RYR2: variants seen among roughly 807,000 people sequenced by gnomAD.
RYR2 encodes ryanodine receptor 2.
Under a neutral mutation model 601.1 loss-of-function variants are expected in RYR2, and 227 were observed. That is an observed-to-expected ratio of 0.38 (90% confidence interval 0.34 to 0.42). The LOEUF (loss-of-function observed/expected upper bound fraction) is 0.42, where lower values mean the gene tolerates loss of function less well. RYR2 is among the 10% of genes least tolerant of loss of function. RYR2 has a pLI of 1.00. For synonymous variants in RYR2, 2,223 were observed against 2,175.1 expected, an observed-to-expected ratio of 1.02 and a Z score of -0.61; for missense variants, 4,646 against 6,156.5, an observed-to-expected ratio of 0.75 and a Z score of 8.21.
intron 1 of RYR2, among the ~76,000 whole-genome samples, chr1:237,198,862 G>A (rs992837056): frequency 6.6e-6 from 1 of 150,506 alleles, no homozygotes; most frequent in Non-Finnish European, 1.5e-5. Flanking sequence ...TTTATTTTCT[G>A]GAGAAGTAAT....
At chr1:237,374,894 TA>T (rs1202613322) in intron 7 of RYR2, 99 bp downstream of exon 7, 15 of 877,992 alleles carry the variant, frequency 1.7e-5, no homozygotes, top group Non-Finnish European at 2.3e-5. Flanking sequence ...TGAATGTTCT[TA>T]TGGATGGAGT....
At chr1:237,795,180 A>G in intron 95 of RYR2, 109 bp from the exon 96 acceptor site, 1 of 527,998 alleles carries the variant, frequency 1.9e-6, no homozygotes, top group Non-Finnish European at 3.4e-6. Context: ...TTTACGTGGC[A>G]GGATATATGT....
At chr1:237,591,322 A>G (rs956988827) in intron 31 of RYR2, among the ~76,000 whole-genome samples, 23 of 151,846 alleles carry the variant, frequency 1.5e-4, no homozygotes, top group Non-Finnish European at 3.2e-4. Flanking sequence ...CTATCTCAAG[A>G]GTTACTTTTT....
At chr1:237,328,843 G>A (rs947713610) in intron 2 of RYR2, among the ~76,000 whole-genome samples, 37 of 152,132 alleles carry the variant, frequency 2.4e-4, no homozygotes, top group African/African-American at 8.7e-4. Context: ...AAATTGTAAT[G>A]TGGATGCATT....
chr1:237,219,010 A>ATTTTT (rs754644450), intron 1 of RYR2, among the ~76,000 whole-genome samples: 2 of 121,728 alleles, frequency 1.6e-5, no homozygotes, highest in Non-Finnish European at 1.7e-5. Flanking sequence ...CTTATACTTG[A>ATTTTT]TTTTTTTTTT....
rs531707768 is a variant in RYR2, at chr1:237,383,362, G to A, written c.577-3919G>A. Among the ~76,000 whole-genome samples the A allele has an allele frequency of 3.4e-5, 5 of 147,166 alleles. No homozygotes were observed. The East Asian group carries it at 6.0e-4, about 18-fold the overall frequency. Reference sequence around the variant, plus strand: ...TCAGCAGTCTTGATTGACAACCCCTGCAACTACTCTGCATTCCAATCTAGA... The same window carrying A: ...TCAGCAGTCTTGATTGACAACCCCTACAACTACTCTGCATTCCAATCTAGA... On this transcript the variant is annotated intron_variant, in intron 8 of 104. Transcript: ENST00000366574.
intron 17 of RYR2, among the ~76,000 whole-genome samples, chr1:237,471,667 C>A (rs1660740237): frequency 6.6e-6 from 1 of 151,246 alleles, no homozygotes; most frequent in Non-Finnish European, 1.5e-5. Flanking sequence ...GCCAAGCATC[C>A]TTTAAGGTCA....
intron 27 of RYR2, among the ~76,000 whole-genome samples, chr1:237,566,199 C>T (rs375682629): frequency 7.9e-5 from 12 of 152,160 alleles, no homozygotes; most frequent in African/African-American, 2.7e-4. Flanking sequence ...CAGAGCAGTT[C>T]GGATCTTTTT....
At chr1:237,185,272 C>T (rs984383624) in intron 1 of RYR2, among the ~76,000 whole-genome samples, 8 of 152,090 alleles carry the variant, frequency 5.3e-5, no homozygotes, top group African/African-American at 9.7e-5. Flanking sequence ...ATTGCTGTTA[C>T]GGGCATGAGC....
chr1:237,788,199 G>T, intron 92 of RYR2, 64 bp downstream of exon 92: 2 of 1,363,260 alleles, frequency 1.5e-6, no homozygotes, highest in South Asian at 1.5e-5. Context: ...TTTAGGCTCA[G>T]TAAATGTTTG....
intron 1 of RYR2, among the ~76,000 whole-genome samples, chr1:237,235,520 T>G (rs947205730): frequency 6.6e-6 from 1 of 152,242 alleles, no homozygotes; most frequent in Non-Finnish European, 1.5e-5. Context: ...AATCTGAATT[T>G]GTGGCACAGT....
At chr1:237,154,593 G>C (rs1675101495) in intron 1 of RYR2, among the ~76,000 whole-genome samples, 1 of 152,104 alleles carries the variant, frequency 6.6e-6, no homozygotes, top group African/African-American at 2.4e-5. Flanking sequence ...AGGGAGGATT[G>C]CTTGAGCATA....
Position 237,760,988 on chromosome 1 carries a change from C to T in RYR2, c.11436C>T (p.Asn3812=). 6.3e-7 allele frequency: 1 copy of T among 1,579,396 alleles called. No homozygotes were observed. Among genetic ancestry groups the T allele is most frequent in the Admixed American group, 1.8e-5 (1 of 55,440 alleles). The change falls in exon 84 of 105, where the codon AAC becomes AAT. Residue 3812 remains asparagine (N), a synonymous_variant. Transcript: ENST00000366574. ...VLDLNAFERQ[N]KAEGLGMVTE... ...ACCTAAATGCATTTGAGCGACAAAACAAAGCTGAAGGTCTTGGGATGGTGA... is the reference window on the plus strand; with the variant it reads ...ACCTAAATGCATTTGAGCGACAAAATAAAGCTGAAGGTCTTGGGATGGTGA...
chr1:237,245,763 CTGCT>C (rs548822168), intron 1 of RYR2, among the ~76,000 whole-genome samples: 54 of 152,150 alleles, frequency 3.5e-4, no homozygotes, highest in African/African-American at 1.3e-3. Flanking sequence ...CACTTTATGC[CTGCT>C]TGTTTTGATC....
intron 1 of RYR2, among the ~76,000 whole-genome samples, chr1:237,209,677 A>G (rs1274932186): frequency 6.6e-6 from 1 of 151,984 alleles, no homozygotes; most frequent in African/African-American, 2.4e-5. Flanking sequence ...ATATAGCCAG[A>G]CCCTGTCTCT....
chr1:237,169,135 T>C (rs1053078887), intron 1 of RYR2, among the ~76,000 whole-genome samples: 2 of 152,246 alleles, frequency 1.3e-5, no homozygotes, highest in African/African-American at 4.8e-5. Context: ...TATAAAATAC[T>C]AAATTGTTAT....
At chr1:237,374,138 C>T (rs1238219551) in intron 6 of RYR2, among the ~76,000 whole-genome samples, 1 of 152,170 alleles carries the variant, frequency 6.6e-6, no homozygotes, top group Non-Finnish European at 1.5e-5. Flanking sequence ...TGTGCAGAAG[C>T]ATCCAGATTT....
chr1:237,247,954 G>A (rs10925349), intron 1 of RYR2, among the ~76,000 whole-genome samples: 64,638 of 151,830 alleles, frequency 0.43, 13,823 homozygotes, highest in Admixed American at 0.47. Flanking sequence ...AAGGGTTTTC[G>A]CAGAATCTGA....
At position 237,481,396 on chromosome 1, in the gene RYR2, G is replaced by A. The variant is rs1004498976; in HGVS notation, c.1709-10410G>A. ...TAAACAAACAAAAACATTTTTCTCC[G>A]GCTCAGTGGTGATTCAGTTTGTGAT... On this transcript the variant is annotated intron_variant, in intron 17 of 104. Transcript: ENST00000366574. Among the ~76,000 whole-genome samples the A allele has an allele frequency of 3.3e-5, 5 of 151,850 alleles. No individual in the cohort carries two copies. The East Asian group carries it at 5.8e-4, about 18-fold the overall frequency.
Sources: allele counts gnomAD v4.1 joint callset (sites outside exome capture counted in the v4.1 genomes callset), GRCh38; gene constraint gnomAD v4.1.1; transcripts MANE v1.5; gene names NCBI Gene and HGNC (gene_info 2026-07-23, HGNC 2026-07-21).